GPATCH2: variants seen among roughly 807,000 people sequenced by gnomAD.
GPATCH2 encodes G patch domain-containing protein 2.
GPATCH2 carries 51 observed loss-of-function variants against 58.0 expected under a neutral mutation model. That is an observed-to-expected ratio of 0.88 (90% CI 0.70 to 1.11). The LOEUF (loss-of-function observed/expected upper bound fraction) is 1.11, where lower values mean the gene tolerates loss of function less well. GPATCH2 is among the 50% of genes most tolerant of loss of function. The pLI is 0.00. For missense variants in GPATCH2, 625 were observed against 652.2 expected, an observed-to-expected ratio of 0.96 and a Z score of 0.45; for synonymous variants, 222 against 218.5, an observed-to-expected ratio of 1.02 and a Z score of -0.14.
chr1:217,523,895 GGGGGGC>G (rs1663638037), intron 5 of GPATCH2, among the ~76,000 whole-genome samples: 1 of 112,966 alleles, frequency 8.9e-6, no homozygotes, highest in Non-Finnish European at 2.1e-5. Flanking sequence ...CTGGCCGGGC[GGGGGGC>G]TGACCCCCAC....
At chr1:217,534,574 G>GAAAAAAAAA (rs34766373) in intron 5 of GPATCH2, among the ~76,000 whole-genome samples, 1 of 147,260 alleles carries the variant, frequency 6.8e-6, no homozygotes. Flanking sequence ...TACAGTCTGT[G>GAAAAAAAAA]AAAAAAAAAA....
chr1:217,616,801 A>T (rs1345754801), intron 2 of GPATCH2, among the ~76,000 whole-genome samples: 1 of 152,174 alleles, frequency 6.6e-6, no homozygotes, highest in Non-Finnish European at 1.5e-5. Flanking sequence ...TGCTGGATGA[A>T]CAAATATATG....
chr1:217,485,632 T>A (rs1661420822), intron 8 of GPATCH2, among the ~76,000 whole-genome samples: 1 of 152,284 alleles, frequency 6.6e-6, no homozygotes, highest in South Asian at 2.1e-4. Context: ...TTTTTCTATC[T>A]TCATATAAAT....
rs541284542 is a variant in GPATCH2, at chr1:217,540,715, C to T, written c.1099-25826G>A. On this transcript the variant is annotated intron_variant, in intron 5 of 9. Coordinates refer to ENST00000366935, the MANE Select transcript of GPATCH2 (RefSeq NM_018040.5). The stretch of plus-strand genomic sequence containing the variant: ...ATAAGTCTTTTAATGAAATTATAAA[C>T]ATGAAAAAAACATCCAAATGTCTAG... Among the ~76,000 whole-genome samples the T allele has an allele frequency of 7.2e-5, 11 of 152,144 alleles. No individual in the cohort carries two copies. The South Asian group carries it at 1.7e-3, about 23-fold the overall frequency.
At chr1:217,562,685 T>C (rs948214901) in intron 5 of GPATCH2, among the ~76,000 whole-genome samples, 1 of 152,210 alleles carries the variant, frequency 6.6e-6, no homozygotes, top group African/African-American at 2.4e-5. Flanking sequence ...TAGACACATA[T>C]GTTCAAACCA....
intron 5 of GPATCH2, chr1:217,609,636 C>A (rs1668532530): frequency 1.0e-6 from 1 of 978,930 alleles, no homozygotes; most frequent in East Asian, 1.1e-4. Context: ...CTCATCTTAG[C>A]CCTTGTTAAA....
intron 5 of GPATCH2, among the ~76,000 whole-genome samples, chr1:217,580,291 C>T (rs751667846): frequency 3.9e-5 from 6 of 151,960 alleles, no homozygotes; most frequent in Non-Finnish European, 7.4e-5. Context: ...TGGATGGTGA[C>T]ACAAAGGATG....
chr1:217,623,898 A>ATC (rs907979786), intron 1 of GPATCH2, among the ~76,000 whole-genome samples: 27 of 152,102 alleles, frequency 1.8e-4, no homozygotes, highest in African/African-American at 6.3e-4. Context: ...GCAAAACTCC[A>ATC]TCTCAAAAAA....
intron 2 of GPATCH2, among the ~76,000 whole-genome samples, chr1:217,618,623 C>G (rs771259123): frequency 1.7e-4 from 25 of 151,448 alleles, no homozygotes; most frequent in Non-Finnish European, 2.8e-4. Flanking sequence ...CATTTACAAG[C>G]AAAAAAACCC....
intron 6 of GPATCH2, among the ~76,000 whole-genome samples, chr1:217,512,239 G>T (rs11117878): frequency 0.61 from 91,981 of 151,968 alleles, 29,045 homozygotes; most frequent in East Asian, 0.92. Context: ...AGGGGATCAC[G>T]TAAGCCTGGG....
chr1:217,552,951 T>G (rs1389440516), intron 5 of GPATCH2, among the ~76,000 whole-genome samples: 1 of 152,042 alleles, frequency 6.6e-6, no homozygotes, highest in East Asian at 1.9e-4. Flanking sequence ...ATCTCAGGAG[T>G]GTGAATTTGA....
At chr1:217,542,742 C>T (rs1361774835) in intron 5 of GPATCH2, among the ~76,000 whole-genome samples, 1 of 152,164 alleles carries the variant, frequency 6.6e-6, no homozygotes, top group Admixed American at 6.5e-5. Context: ...ACTTAAAACC[C>T]AAAACGTCTT....
At chr1:217,513,759 G>A (rs893375058) in intron 6 of GPATCH2, among the ~76,000 whole-genome samples, 3 of 151,780 alleles carry the variant, frequency 2.0e-5, no homozygotes, top group Admixed American at 2.0e-4. Context: ...TTGTTTCATG[G>A]GTCTTTATAT....
At chr1:217,622,168 A>G (rs919618810) in intron 1 of GPATCH2, among the ~76,000 whole-genome samples, 2 of 152,216 alleles carry the variant, frequency 1.3e-5, no homozygotes, top group African/African-American at 4.8e-5. Context: ...ATATACATCT[A>G]TGTAAAACCC....
chr1:217,619,180 G>A (rs1669058732), intron 2 of GPATCH2, among the ~76,000 whole-genome samples: 1 of 152,102 alleles, frequency 6.6e-6, no homozygotes, highest in African/African-American at 2.4e-5. Flanking sequence ...TTTTGATGCT[G>A]TCAAAATAGT....
chr1:217,465,468 A>G (rs1660403089), intron 8 of GPATCH2, among the ~76,000 whole-genome samples: 1 of 152,170 alleles, frequency 6.6e-6, no homozygotes, highest in South Asian at 2.1e-4. Context: ...TCAAATCTCA[A>G]CTTGAATTGT....
intron 5 of GPATCH2, among the ~76,000 whole-genome samples, chr1:217,574,918 T>G (rs549516141): frequency 6.6e-6 from 1 of 152,216 alleles, no homozygotes; most frequent in African/African-American, 2.4e-5. Flanking sequence ...TTCAATCTCA[T>G]ATATTCAGTA....
At chr1:217,548,089 T>C (rs1665154542) in intron 5 of GPATCH2, among the ~76,000 whole-genome samples, 1 of 152,198 alleles carries the variant, frequency 6.6e-6, no homozygotes, top group South Asian at 2.1e-4. Context: ...ACCTCTTTTC[T>C]TCATAATTTA....
At chr1:217,556,162 T>C (rs1665606201) in intron 5 of GPATCH2, among the ~76,000 whole-genome samples, 1 of 152,212 alleles carries the variant, frequency 6.6e-6, no homozygotes, top group Non-Finnish European at 1.5e-5. Context: ...TAACATCTAT[T>C]GCTTTGATCC....
Sources: allele counts gnomAD v4.1 joint callset (sites outside exome capture counted in the v4.1 genomes callset), GRCh38; gene constraint gnomAD v4.1.1; transcripts MANE v1.5; gene names NCBI Gene and HGNC (gene_info 2026-07-23, HGNC 2026-07-21).